RABGAP1L: variants seen among roughly 807,000 people sequenced by gnomAD.
RABGAP1L encodes rab GTPase-activating protein 1-like.
Under a neutral mutation model 137.7 loss-of-function variants are expected in RABGAP1L, and 63 were observed. That is an observed-to-expected ratio of 0.46 (90% CI 0.37 to 0.56). The LOEUF (loss-of-function observed/expected upper bound fraction) is 0.56, where lower values mean the gene tolerates loss of function less well. Among genes scored for constraint, RABGAP1L ranks in the 20% least tolerant of loss-of-function variants. The pLI is 0.00. For missense variants in RABGAP1L, 1,095 were observed against 1,244.0 expected (o/e 0.88, Z 1.80); for synonymous variants, 431 against 433.7 (o/e 0.99, Z 0.08).
intron 13 of RABGAP1L, among the ~76,000 whole-genome samples, chr1:174,596,430 T>C (rs576848136): frequency 6.6e-6 from 1 of 152,334 alleles, no homozygotes; most frequent in Non-Finnish European, 1.5e-5. Flanking sequence ...TACAGATCTT[T>C]CACTTCTTTG....
intron 13 of RABGAP1L, among the ~76,000 whole-genome samples, chr1:174,481,887 A>T (rs933138394): frequency 2.7e-5 from 4 of 148,556 alleles, no homozygotes; most frequent in African/African-American, 1.0e-4. Context: ...AAAATAAAAA[A>T]AAAAAGAAAA....
At chr1:174,892,478 G>A in intron 19 of RABGAP1L, 1 of 463,812 alleles carries the variant, frequency 2.2e-6, no homozygotes, top group Non-Finnish European at 4.3e-6. Context: ...TCACCTTCCA[G>A]CTTCTTTTCT....
At chr1:174,728,717 C>T (rs1572949810) in intron 17 of RABGAP1L, among the ~76,000 whole-genome samples, 1 of 151,484 alleles carries the variant, frequency 6.6e-6, no homozygotes, top group African/African-American at 2.4e-5. Flanking sequence ...TCTCGGCTCA[C>T]TGCAACCTCT....
chr1:174,658,655 T>C (rs1162290649), intron 14 of RABGAP1L, among the ~76,000 whole-genome samples: 1 of 152,122 alleles, frequency 6.6e-6, no homozygotes, highest in Non-Finnish European at 1.5e-5. Context: ...TCTCCATTCT[T>C]GGCCACCCAC....
chr1:174,916,074 T>C (rs1458997905), intron 19 of RABGAP1L, among the ~76,000 whole-genome samples: 5 of 150,048 alleles, frequency 3.3e-5, no homozygotes, highest in Non-Finnish European at 7.4e-5. Context: ...AATTTTTCTT[T>C]AGTTTTTTTT....
rs1671831635 is a variant in RABGAP1L, at chr1:174,241,557, A to G, written c.617A>G (p.His206Arg). ...IYKVLFCARGHDGTTESNCFA... is the reference protein window; with the variant it reads ...IYKVLFCARGRDGTTESNCFA... ...AAGGTGTTATTCTGTGCACGTGGAC[A>G]TGACGGAACAACAGAGAGCAATTGC... The change falls in exon 5 of 26, where the codon CAT becomes CGT. Residue 206 changes from histidine to arginine, a missense_variant. This residue lies in a region of RABGAP1L where 356 missense variants were observed against 326.3 expected (regional missense o/e 1.09). Transcript: ENST00000681986. The G allele has an allele frequency of 1.2e-6, 2 of 1,613,212 alleles. No homozygotes were observed. The highest frequency in any genetic ancestry group is 1.1e-5 in the South Asian group (1 of 91,070).
Position 174,305,027 on chromosome 1 carries a change from T to C in RABGAP1L, c.1365T>C (p.Tyr455=). ...ATACCAATGCTGGAGATGCAATATA[T>C]GAGGTGGTGAGTCTACAGCGAGAGT... ...KGHTNAGDAI[Y]EVVSLQRESD... is the part of the protein sequence containing the mutation. The change falls in exon 11 of 26, where the codon TAT becomes TAC. Residue 455 remains tyrosine (Y), a synonymous_variant. Transcript: ENST00000681986. 6.4e-7 allele frequency: 1 copy of C among 1,564,504 alleles called. No individual in the cohort carries two copies. The highest frequency in any genetic ancestry group is 2.5e-5 in the East Asian group (1 of 40,036).
chr1:174,300,457 G>C (rs1677572742), intron 10 of RABGAP1L, among the ~76,000 whole-genome samples: 1 of 151,462 alleles, frequency 6.6e-6, no homozygotes, highest in Non-Finnish European at 1.5e-5. Context: ...CTCGGTGGTG[G>C]GGTGGAGGTT....
At chr1:174,547,691 AT>A in intron 13 of RABGAP1L, 1 of 672,956 alleles carries the variant, frequency 1.5e-6, no homozygotes, top group Non-Finnish European at 2.5e-6. Context: ...ATTGAAAGTA[AT>A]TCTGTGTTCT....
intron 13 of RABGAP1L, among the ~76,000 whole-genome samples, chr1:174,597,838 G>A (rs974779741): frequency 1.3e-5 from 2 of 151,998 alleles, no homozygotes; most frequent in Admixed American, 6.6e-5. Context: ...AGAGATATTG[G>A]TGTGTTGGGT....
chr1:174,585,291 G>A (rs534897834), intron 13 of RABGAP1L, among the ~76,000 whole-genome samples: 2 of 152,204 alleles, frequency 1.3e-5, no homozygotes, highest in East Asian at 3.9e-4. Flanking sequence ...CCATGCTTTG[G>A]AATACAGCTC....
At chr1:174,516,120 T>TATACACACACACACAC (rs763907969) in intron 13 of RABGAP1L, among the ~76,000 whole-genome samples, 8 of 133,232 alleles carry the variant, frequency 6.0e-5, no homozygotes, top group African/African-American at 2.4e-4. Flanking sequence ...ACTGAAGCTC[T>TATACACACACACACAC]ACACACACAC....
At chr1:174,333,923 A>G (rs549463399) in intron 11 of RABGAP1L, among the ~76,000 whole-genome samples, 1 of 152,278 alleles carries the variant, frequency 6.6e-6, no homozygotes, top group Admixed American at 6.5e-5. Flanking sequence ...GGGGAAAGCT[A>G]CAGATTGGCC....
chr1:174,251,855 T>C (rs926203821), intron 6 of RABGAP1L, among the ~76,000 whole-genome samples: 4 of 152,182 alleles, frequency 2.6e-5, no homozygotes, highest in Non-Finnish European at 4.4e-5. Flanking sequence ...AAGTAAACAT[T>C]ATTCCTAAAT....
intron 19 of RABGAP1L, among the ~76,000 whole-genome samples, chr1:174,928,645 A>G (rs1480751022): frequency 1.3e-5 from 2 of 152,118 alleles, no homozygotes; most frequent in Non-Finnish European, 2.9e-5. Flanking sequence ...CTACTGATTG[A>G]GGGAAAAGAT....
At chr1:174,820,298 A>T (rs1690883087) in intron 19 of RABGAP1L, among the ~76,000 whole-genome samples, 1 of 152,084 alleles carries the variant, frequency 6.6e-6, no homozygotes, top group Non-Finnish European at 1.5e-5. Flanking sequence ...TGGGTTGGGG[A>T]GTAAGAGGGA....
chr1:174,476,944 G>A (rs1007334097), intron 13 of RABGAP1L, among the ~76,000 whole-genome samples: 1 of 152,130 alleles, frequency 6.6e-6, no homozygotes, highest in African/African-American at 2.4e-5. Flanking sequence ...GGCAGAAGAC[G>A]TTCATGTGTT....
chr1:174,752,463 C>A, intron 18 of RABGAP1L, 109 bp downstream of exon 18: 1 of 738,862 alleles, frequency 1.4e-6, no homozygotes, highest in Non-Finnish European at 2.1e-6. Flanking sequence ...CTCAGACACA[C>A]AAAAATAGAT....
chr1:174,341,182 C>G (rs551582369), intron 11 of RABGAP1L, among the ~76,000 whole-genome samples: 8 of 151,884 alleles, frequency 5.3e-5, no homozygotes, highest in Non-Finnish European at 8.8e-5. Flanking sequence ...ATAGATAGTT[C>G]TTTCTTAATT....
Sources: allele counts gnomAD v4.1 joint callset (sites outside exome capture counted in the v4.1 genomes callset), GRCh38; gene constraint gnomAD v4.1.1; regional missense constraint gnomAD v4.1.1; transcripts MANE v1.5; gene names NCBI Gene and HGNC (gene_info 2026-07-23, HGNC 2026-07-21).